MRPL13: variants seen among roughly 807,000 people sequenced by gnomAD.
The protein encoded by MRPL13 is large ribosomal subunit protein uL13m.
In MRPL13, 33 loss-of-function variants were observed where a neutral mutation model predicts 29.0. That is an observed-to-expected ratio of 1.14 (90% CI 0.86 to 1.52). MRPL13 has a LOEUF of 1.52. Ranked by LOEUF, MRPL13 falls within the 40% of genes most tolerant of loss-of-function variation. MRPL13 has a pLI of 0.00. For synonymous variants in MRPL13, 77 were observed against 68.4 expected (o/e 1.13, Z -0.62); for missense variants, 227 against 216.7 (o/e 1.05, Z -0.30).
rs140604712 is a variant in MRPL13 at position 120,434,713 on chromosome 8, G to C, written c.152-2590C>G. On this transcript the variant is annotated intron_variant, in intron 2 of 6. Transcript: ENST00000306185. ...CATCTTTGTACTTCCCCATGTACCA[G>C]CTCCTTGATTAGGGATTCAAGGAGA... 4.1e-3 allele frequency among the ~76,000 whole-genome samples: 622 copies of C among 152,160 alleles called. 5 individuals carry two copies. Among genetic ancestry groups the C allele is most frequent in the African/African-American group, 0.014 (598 of 41,538 alleles).
chr8:120,433,862 A>T lies in MRPL13; in HGVS notation c.152-1739T>A, dbSNP rs1813023157. 2.6e-5 allele frequency among the ~76,000 whole-genome samples: 4 copies of T among 152,240 alleles called. No homozygotes were observed. In the South Asian group the frequency reaches 8.3e-4, roughly 32 times the overall value. ...TTAAATACATATAGTTTCATTTTAT[A>T]ATTTTTAATTTAAAACTGCACATTT... On this transcript the variant is annotated intron_variant, in intron 2 of 6. Transcript: ENST00000306185.
intron 6 of MRPL13, among the ~76,000 whole-genome samples, chr8:120,408,664 G>C (rs1452386365): frequency 6.6e-6 from 1 of 152,152 alleles, no homozygotes; most frequent in Non-Finnish European, 1.5e-5. Context: ...TCTTAAAGCT[G>C]TCCAGATCCC....
chr8:120,442,554 C>A (rs1046131443), intron 2 of MRPL13, among the ~76,000 whole-genome samples: 1 of 152,004 alleles, frequency 6.6e-6, no homozygotes, highest in Non-Finnish European at 1.5e-5. Context: ...AAAATGTGAT[C>A]AATTGCAGCA....
intron 3 of MRPL13, among the ~76,000 whole-genome samples, chr8:120,431,578 T>C (rs531834052): frequency 6.6e-6 from 1 of 152,004 alleles, no homozygotes; most frequent in South Asian, 2.1e-4. Flanking sequence ...TGGAGGAGAG[T>C]CACGTTGTAT....
At chr8:120,410,641 A>G (rs912136950) in intron 6 of MRPL13, among the ~76,000 whole-genome samples, 2 of 152,236 alleles carry the variant, frequency 1.3e-5, no homozygotes, top group Admixed American at 1.3e-4. Flanking sequence ...CTAAAATTAC[A>G]TCAAATAAAA....
intron 2 of MRPL13, among the ~76,000 whole-genome samples, chr8:120,440,595 ACTCT>A (rs75630272): frequency 3.0e-5 from 4 of 135,342 alleles, no homozygotes; most frequent in African/African-American, 1.1e-4. Context: ...ACAAAGTGAG[ACTCT>A]CTCTCTCTCA....
intron 4 of MRPL13, among the ~76,000 whole-genome samples, chr8:120,424,104 T>G (rs1812904809): frequency 6.6e-6 from 1 of 152,010 alleles, no homozygotes; most frequent in South Asian, 2.1e-4. Flanking sequence ...TAGTAAAGTG[T>G]AAAAAATGAA....
chr8:120,418,145 T>C (rs940596973), intron 5 of MRPL13, among the ~76,000 whole-genome samples: 6 of 152,010 alleles, frequency 3.9e-5, no homozygotes, highest in Non-Finnish European at 8.8e-5. Context: ...AAATGTAGTA[T>C]GCCATCTACA....
intron 6 of MRPL13, among the ~76,000 whole-genome samples, chr8:120,413,245 C>T (rs1230908815): frequency 2.0e-5 from 3 of 152,166 alleles, no homozygotes; most frequent in African/African-American, 4.8e-5. Context: ...TTTAATTTGT[C>T]CAGCACCATG....
At chr8:120,398,920 T>TAC (rs549678047) in intron 6 of MRPL13, among the ~76,000 whole-genome samples, 35 of 149,122 alleles carry the variant, frequency 2.3e-4, no homozygotes, top group Non-Finnish European at 4.5e-4. Flanking sequence ...CAGACAATAA[T>TAC]ACACACACAC....
At position 120,397,962 on chromosome 8, in the gene MRPL13, C is replaced by T. The variant is rs1586915612; in HGVS notation, c.516-1837G>A. 2.6e-5 allele frequency among the ~76,000 whole-genome samples: 4 copies of T among 152,300 alleles called. 1 individual carries two copies. Among genetic ancestry groups the T allele is most frequent in the Admixed American group, 2.6e-4 (4 of 15,308 alleles). ...ACTCCAGGAATTTCAGGAACTCCAG[C>T]CAGGGTTATACAGACAGATCTCTGA... is the stretch of plus-strand genomic sequence containing the variant. On this transcript the variant is annotated intron_variant, in intron 6 of 6. Transcript: ENST00000306185.
chr8:120,403,872 T>C (rs1317816304), intron 6 of MRPL13, among the ~76,000 whole-genome samples: 1 of 152,196 alleles, frequency 6.6e-6, no homozygotes, highest in Non-Finnish European at 1.5e-5. Context: ...AATTTTAAAT[T>C]GTTTATTATT....
At chr8:120,405,910 A>G (rs1812660901) in intron 6 of MRPL13, among the ~76,000 whole-genome samples, 1 of 152,220 alleles carries the variant, frequency 6.6e-6, no homozygotes, top group Non-Finnish European at 1.5e-5. Context: ...GAATGCTTAA[A>G]TATTTGAAAC....
chr8:120,425,395 T>C, intron 3 of MRPL13, 29 bp from the exon 4 acceptor site: 2 of 1,512,310 alleles, frequency 1.3e-6, no homozygotes, highest in Non-Finnish European at 1.8e-6. Context: ...ACATTAAAAC[T>C]GGGCATAGGC....
intron 6 of MRPL13, among the ~76,000 whole-genome samples, chr8:120,409,674 T>C (rs949339488): frequency 7.2e-5 from 11 of 152,168 alleles, no homozygotes; most frequent in Non-Finnish European, 1.3e-4. Flanking sequence ...TCCTAACATA[T>C]TTTCACAAAA....
rs1435794930 is a variant in MRPL13, at chr8:120,428,067, C to T, written c.246-2701G>A. Among the ~76,000 whole-genome samples, 13 of 149,884 alleles carry T rather than the reference C, an allele frequency of 8.7e-5. No homozygotes were observed. In the South Asian group the frequency reaches 1.1e-3, roughly 12 times the overall value. ...AAAAAGAACAAAGCTGGAGGCATCACGCTACCCAGCTTCAAACTATACTAC... is the reference window on the plus strand; with the variant it reads ...AAAAAGAACAAAGCTGGAGGCATCATGCTACCCAGCTTCAAACTATACTAC... On this transcript the variant is annotated intron_variant, in intron 3 of 6. Coordinates refer to ENST00000306185, the MANE Select transcript of MRPL13 (RefSeq NM_014078.6).
chr8:120,407,872 C>T (rs941588479), intron 6 of MRPL13, among the ~76,000 whole-genome samples: 1 of 151,948 alleles, frequency 6.6e-6, no homozygotes, highest in Non-Finnish European at 1.5e-5. Flanking sequence ...TAGTATAATG[C>T]TTATTCTATG....
rs370143380 is a variant in MRPL13 at position 120,402,965 on chromosome 8, G to A, written c.516-6840C>T. Among the ~76,000 whole-genome samples, 110 of 152,266 alleles carry A rather than the reference G, an allele frequency of 7.2e-4. 1 individual carries two copies. The highest frequency in any genetic ancestry group is 2.5e-3 in the African/African-American group (105 of 41,570). On this transcript the variant is annotated intron_variant, in intron 6 of 6. Coordinates refer to ENST00000306185, the MANE Select transcript of MRPL13 (RefSeq NM_014078.6). Reference sequence around the variant, plus strand: ...ACAACTGAGATACCATCTCATGCCAGTCAGAATGGAAATTATTAAAAAGTC... The same window carrying A: ...ACAACTGAGATACCATCTCATGCCAATCAGAATGGAAATTATTAAAAAGTC...
intron 6 of MRPL13, among the ~76,000 whole-genome samples, chr8:120,404,119 A>G (rs1164940433): frequency 1.3e-5 from 2 of 152,238 alleles, no homozygotes; most frequent in African/African-American, 4.8e-5. Context: ...TACGCAAAGC[A>G]GTTCTTAGTA....
Sources: allele counts gnomAD v4.1 joint callset (sites outside exome capture counted in the v4.1 genomes callset), GRCh38; gene constraint gnomAD v4.1.1; transcripts MANE v1.5; gene names NCBI Gene and HGNC (gene_info 2026-07-23, HGNC 2026-07-21).